TSNAX: variants seen among roughly 807,000 people sequenced by gnomAD.
TSNAX encodes translin-associated protein X.
TSNAX carries 12 observed loss-of-function variants against 33.0 expected under a neutral mutation model. The ratio of observed to expected loss-of-function variants is 0.36; its 90% CI spans 0.23 to 0.59. The LOEUF (loss-of-function observed/expected upper bound fraction) is 0.59. Ranked by LOEUF, TSNAX falls within the 20% of genes least tolerant of loss-of-function variation. The pLI is 0.74. For synonymous variants in TSNAX, 110 were observed against 117.2 expected (o/e 0.94, Z 0.40); for missense variants, 267 against 341.3 (o/e 0.78, Z 1.72).
chr1:231,548,782 T>C (rs1660109021), intron 4 of TSNAX, among the ~76,000 whole-genome samples: 1 of 152,222 alleles, frequency 6.6e-6, no homozygotes, highest in Admixed American at 6.5e-5. Context: ...TCAGGATGCA[T>C]CTGCAGTTAC....
At chr1:231,557,163 C>T (rs1167264036) in intron 4 of TSNAX, among the ~76,000 whole-genome samples, 1 of 152,066 alleles carries the variant, frequency 6.6e-6, no homozygotes, top group East Asian at 1.9e-4. Flanking sequence ...GTAAGGATGT[C>T]AGATACTCAT....
chr1:231,541,946 G>A (rs537958823), intron 3 of TSNAX, among the ~76,000 whole-genome samples: 3 of 152,088 alleles, frequency 2.0e-5, no homozygotes, highest in South Asian at 4.2e-4. Flanking sequence ...TAGCTGTCTC[G>A]ATCCCCCAAA....
intron 5 of TSNAX, 134 bp downstream of exon 5, chr1:231,561,389 A>G (rs1366233557): frequency 4.1e-6 from 3 of 725,946 alleles, no homozygotes; most frequent in East Asian, 6.3e-5. Flanking sequence ...TAGAGTCTCA[A>G]CTAGGAAATG....
At position 231,528,940 on chromosome 1, in the gene TSNAX, C is replaced by G; in HGVS notation, c.16+114C>G. On this transcript the variant is annotated intron_variant, in intron 1 of 5. Transcript: ENST00000366639. ...AGGATGCCTTCGTCCCTTGTAGACT[C>G]GGGGGCGGCCCCTCTGTTTCTCTCC... The G allele has an allele frequency of 1.4e-6, 2 of 1,386,532 alleles. 1 individual carries two copies. Among genetic ancestry groups the G allele is most frequent in the South Asian group, 2.4e-5 (2 of 83,428 alleles). 85.9% of individuals were successfully genotyped at this position (1,386,532 alleles called of 1,614,324 possible).
At position 231,564,734 on chromosome 1, in the gene TSNAX, T is replaced by A. The variant is rs759522016; in HGVS notation, c.702T>A (p.Thr234=). 13 of 1,614,090 alleles carry A rather than the reference T, an allele frequency of 8.1e-6. No individual in the cohort carries two copies. The highest frequency in any genetic ancestry group is 1.1e-5 in the Non-Finnish European group (13 of 1,180,054). ...ATGGGTTTTCATTCATTGGCAACAC[T>A]GGACCTTACGAGGTTTCTAAGAAGC... ...VYDGFSFIGN[T]GPYEVSKKLY... The change falls in exon 6 of 6, where the codon ACT becomes ACA. Residue 234 remains threonine, a synonymous_variant. Transcript: ENST00000366639.
intron 3 of TSNAX, among the ~76,000 whole-genome samples, chr1:231,540,944 T>C (rs1049897167): frequency 6.6e-6 from 1 of 152,244 alleles, no homozygotes; most frequent in Admixed American, 6.5e-5. Context: ...GTTTGATTGT[T>C]ATTAGAACGT....
chr1:231,563,315 GGAGA>G (rs1661230313), intron 5 of TSNAX: 2 of 152,436 alleles, frequency 1.3e-5, no homozygotes, highest in African/African-American at 4.8e-5. Flanking sequence ...AAATTGATGT[GGAGA>G]GAGATTTCAT....
chr1:231,530,479 G>A (rs1360855939), intron 2 of TSNAX, among the ~76,000 whole-genome samples: 1 of 152,118 alleles, frequency 6.6e-6, no homozygotes, highest in African/African-American at 2.4e-5. Context: ...GGGATCACGA[G>A]GCCATGAGTT....
chr1:231,562,487 A>T (rs1413942796), intron 5 of TSNAX, among the ~76,000 whole-genome samples: 1 of 152,116 alleles, frequency 6.6e-6, no homozygotes, highest in Non-Finnish European at 1.5e-5. Context: ...TTATTCATAT[A>T]GTGTAGACTG....
At chr1:231,560,669 C>T (rs1462686390) in intron 4 of TSNAX, among the ~76,000 whole-genome samples, 2 of 150,276 alleles carry the variant, frequency 1.3e-5, no homozygotes, top group Admixed American at 1.3e-4. Context: ...CCGCCCACCT[C>T]AGCCTCCCAA....
chr1:231,556,911 G>T (rs1459221681), intron 4 of TSNAX, among the ~76,000 whole-genome samples: 2 of 151,968 alleles, frequency 1.3e-5, no homozygotes, highest in East Asian at 3.9e-4. Flanking sequence ...TATAAGCCAC[G>T]TTAATGGTTT....
chr1:231,556,400 GC>G (rs1660697457), intron 4 of TSNAX, among the ~76,000 whole-genome samples: 1 of 152,158 alleles, frequency 6.6e-6, no homozygotes, highest in South Asian at 2.1e-4. Flanking sequence ...CTATATGGCA[GC>G]CAAACAGAAA....
intron 4 of TSNAX, among the ~76,000 whole-genome samples, chr1:231,544,011 A>G (rs569903334): frequency 1.3e-5 from 2 of 152,320 alleles, no homozygotes; most frequent in East Asian, 1.9e-4. Context: ...TTGGCAGAAA[A>G]CATGAGAATA....
chr1:231,529,184 G>C (rs1201704983), intron 1 of TSNAX, 71 bp from the exon 2 acceptor site: 1 of 1,491,864 alleles, frequency 6.7e-7, no homozygotes, highest in Non-Finnish European at 9.3e-7. Flanking sequence ...CAAGGAGTAG[G>C]TTTGTCTATG....
At chr1:231,529,670 A>G (rs1209840532) in intron 2 of TSNAX, among the ~76,000 whole-genome samples, 1 of 152,250 alleles carries the variant, frequency 6.6e-6, no homozygotes, top group Non-Finnish European at 1.5e-5. Context: ...ATGCTAAAAT[A>G]TATTTTCATT....
At chr1:231,544,673 TATAAAG>T (rs1356312867) in intron 4 of TSNAX, among the ~76,000 whole-genome samples, 4 of 152,196 alleles carry the variant, frequency 2.6e-5, no homozygotes, top group Admixed American at 1.3e-4. Flanking sequence ...ATCAGTGAAG[TATAAAG>T]ATAAAGAGTT....
In TSNAX at chr1:231,564,532, C is replaced by T; in HGVS notation, c.500C>T (p.Ser167Phe). The T allele has an allele frequency of 6.2e-7, 1 of 1,610,046 alleles. No homozygotes were observed. The highest frequency in any genetic ancestry group is 8.5e-7 in the Non-Finnish European group (1 of 1,176,860). Residue 167 changes from serine (S) to phenylalanine (F), a missense_variant, in exon 6 of 6, where the codon TCC becomes TTC. Physicochemically the swap from Ser to Phe is radical, Grantham distance 155. Around this residue, in one of 2 missense-constraint regions of TSNAX, gnomAD observed 200 missense variants for 214.1 expected, o/e 0.93. Transcript: ENST00000366639. Reference protein sequence around the residue: ...EDNGKENKTPSSDAQDKQFGT... With the variant: ...EDNGKENKTPFSDAQDKQFGT... ...TTTGTTTTGTTTTTTTACCAGCCCT[C>T]CTCTGATGCACAGGATAAGCAGTTT...
Position 231,565,166 on chromosome 1 carries a change from T to A in TSNAX, c.*261T>A, listed in dbSNP as rs1661344340. 10 of 369,712 alleles carry A rather than the reference T, an allele frequency of 2.7e-5. No homozygotes were observed. Among genetic ancestry groups the A allele is most frequent in the Non-Finnish European group, 4.4e-5 (9 of 205,012 alleles). The allele number at this position is 369,712 out of a possible 1,614,324, so 22.9% of individuals were successfully genotyped here. A position where few individuals can be genotyped will look rare whatever the true frequency, so the allele number is the denominator to read the frequency against. ...GCTGGTTAACCTTTATCATTTATCT[T>A]TGTAATGTGAACATGCTTCAGAGTG... On this transcript the variant is annotated 3_prime_UTR_variant, in exon 6 of 6. Transcript: ENST00000366639.
chr1:231,561,064 TTTATTATGACATTC>T, intron 4 of TSNAX, 50 bp from the exon 5 acceptor site: 1 of 1,535,264 alleles, frequency 6.5e-7, no homozygotes, highest in South Asian at 1.2e-5. Context: ...ATGAAGTTTT[TTTATTATGACATTC>T]TTACTAATTA....
Sources: gnomAD v4.1 joint callset for allele counts (sites outside exome capture counted in the v4.1 genomes callset) on GRCh38, gnomAD v4.1.1 for gene constraint, gnomAD v4.1.1 regional missense constraint, MANE v1.5 for transcripts, NCBI Gene and HGNC (gene_info 2026-07-23, HGNC 2026-07-21) for gene names.